LMX1A: variants seen among roughly 807,000 people sequenced by gnomAD.
LMX1A encodes the protein LIM homeobox transcription factor 1 alpha.
In LMX1A, 15 loss-of-function variants were observed where a neutral mutation model predicts 49.1. That is an observed-to-expected ratio of 0.31 (90% CI 0.20 to 0.47). The LOEUF (loss-of-function observed/expected upper bound fraction) is 0.47. Among genes scored for constraint, LMX1A ranks in the 20% least tolerant of loss-of-function variants. The pLI is 1.00. For synonymous variants in LMX1A, 167 were observed against 185.7 expected (o/e 0.90, Z 0.82); for missense variants, 372 against 475.8 (o/e 0.78, Z 2.03).
At chr1:165,342,241 T>A (rs1297715926) in intron 3 of LMX1A, among the ~76,000 whole-genome samples, 1 of 152,220 alleles carries the variant, frequency 6.6e-6, no homozygotes, top group African/African-American at 2.4e-5. Flanking sequence ...CACAGTGGGA[T>A]CTTTTCTAGC....
intron 3 of LMX1A, among the ~76,000 whole-genome samples, chr1:165,286,009 C>A (rs1176288993): frequency 6.6e-6 from 1 of 152,114 alleles, no homozygotes; most frequent in African/African-American, 2.4e-5. Flanking sequence ...GGCTAAAATC[C>A]AAGGGGAGGC....
intron 3 of LMX1A, among the ~76,000 whole-genome samples, chr1:165,262,379 T>G (rs1333207225): frequency 1.3e-5 from 2 of 152,242 alleles, no homozygotes; most frequent in Non-Finnish European, 1.5e-5. Flanking sequence ...GAAAGCTACC[T>G]GTTAAGAATG....
chr1:165,255,810 C>T (rs925334946), intron 3 of LMX1A, among the ~76,000 whole-genome samples: 1 of 151,994 alleles, frequency 6.6e-6, no homozygotes, highest in African/African-American at 2.4e-5. Flanking sequence ...CCTGTCTCTA[C>T]TAAAAATACA....
intron 3 of LMX1A, among the ~76,000 whole-genome samples, chr1:165,280,666 T>C (rs1464644617): frequency 6.6e-6 from 1 of 152,194 alleles, no homozygotes; most frequent in Non-Finnish European, 1.5e-5. Context: ...GATAAACTAG[T>C]AGGCATGCAT....
intron 3 of LMX1A, among the ~76,000 whole-genome samples, chr1:165,346,926 T>G (rs1656263685): frequency 6.6e-6 from 1 of 152,236 alleles, no homozygotes; most frequent in Non-Finnish European, 1.5e-5. Context: ...TGTGCTTTAC[T>G]AAAATAACAA....
chr1:165,214,180 G>A lies in LMX1A; in HGVS notation c.497-367C>T, dbSNP rs181341950. 1.6e-4 allele frequency among the ~76,000 whole-genome samples: 25 copies of A among 152,296 alleles called. 1 individual carries two copies. In the East Asian group the frequency reaches 4.2e-3, roughly 26 times the overall value. On this transcript the variant is annotated intron_variant, in intron 4 of 8. Transcript: ENST00000342310. ...GGGAGGTGACTGGATCATGGGGGCG[G>A]TTTCCCCCATGCTGATCTTGTGATA...
chr1:165,294,142 C>T (rs114171421), intron 3 of LMX1A, among the ~76,000 whole-genome samples: 327 of 152,304 alleles, frequency 2.1e-3, no homozygotes, highest in African/African-American at 5.6e-3. Context: ...CCAAGTCTGA[C>T]GCTAGCAACT....
chr1:165,203,891 A>T lies in LMX1A; in HGVS notation c.1138T>A (p.Phe380Ile). Residue 380 changes from phenylalanine (F) to isoleucine (I), a missense_variant, in exon 9 of 9, where the codon TTC (phenylalanine) becomes ATC (isoleucine). Transcript: ENST00000342310. ...CTCTAGGGGAAGACTCAAGATGTGA[A>T]GTAAGAATTCTGCATGGAGTACAGA... ...DHLYSMQNSY[F>I]TS 2 of 1,614,056 alleles carry T rather than the reference A, an allele frequency of 1.2e-6. No individual in the cohort carries two copies. The highest frequency in any genetic ancestry group is 1.7e-6 in the Non-Finnish European group (2 of 1,179,928).
intron 3 of LMX1A, among the ~76,000 whole-genome samples, chr1:165,333,448 T>C (rs1506947): frequency 0.89 from 136,035 of 152,212 alleles, 61,038 homozygotes; most frequent in Middle Eastern, 0.95. Context: ...CATGAGCCAC[T>C]GTGCTAGGCC....
At chr1:165,220,380 C>G (rs1455192922) in intron 4 of LMX1A, among the ~76,000 whole-genome samples, 6 of 151,948 alleles carry the variant, frequency 3.9e-5, no homozygotes, top group African/African-American at 1.2e-4. Context: ...TTTAGAAAGC[C>G]CAGTGGGAAG....
intron 3 of LMX1A, among the ~76,000 whole-genome samples, chr1:165,324,127 T>G (rs951910701): frequency 6.6e-6 from 1 of 152,232 alleles, no homozygotes; most frequent in African/African-American, 2.4e-5. Context: ...CAGTCGATTC[T>G]GTGGAATGGA....
chr1:165,276,962 C>A (rs1461512138), intron 3 of LMX1A, among the ~76,000 whole-genome samples: 1 of 152,194 alleles, frequency 6.6e-6, no homozygotes, highest in African/African-American at 2.4e-5. Flanking sequence ...AAGATTTGGG[C>A]TCTGAAGTCC....
At chr1:165,337,872 C>G (rs147362999) in intron 3 of LMX1A, among the ~76,000 whole-genome samples, 43 of 58,346 alleles carry the variant, frequency 7.4e-4, no homozygotes, top group African/African-American at 4.2e-3. Context: ...GTCTGTGCAT[C>G]TGTGTGTGTG....
chr1:165,217,712 T>C (rs1413007236), intron 4 of LMX1A, among the ~76,000 whole-genome samples: 1 of 152,206 alleles, frequency 6.6e-6, no homozygotes, highest in Non-Finnish European at 1.5e-5. Flanking sequence ...CCGCATTTGG[T>C]TGAAAAAAAT....
chr1:165,293,321 A>G (rs1292158909), intron 3 of LMX1A, among the ~76,000 whole-genome samples: 1 of 152,224 alleles, frequency 6.6e-6, no homozygotes, highest in African/African-American at 2.4e-5. Context: ...GTAAATGTTT[A>G]AAATAGCACT....
chr1:165,278,140 G>T (rs1654025079), intron 3 of LMX1A, among the ~76,000 whole-genome samples: 1 of 152,146 alleles, frequency 6.6e-6, no homozygotes, highest in Admixed American at 6.5e-5. Flanking sequence ...CTAATAAGTG[G>T]CAGAGCCAGA....
chr1:165,295,643 C>T (rs980793929), intron 3 of LMX1A, among the ~76,000 whole-genome samples: 2 of 152,016 alleles, frequency 1.3e-5, no homozygotes, highest in African/African-American at 4.8e-5. Context: ...ATACATTCCA[C>T]ATACTTGTGT....
chr1:165,253,480 C>T (rs1653127320), intron 3 of LMX1A, among the ~76,000 whole-genome samples: 1 of 152,082 alleles, frequency 6.6e-6, no homozygotes, highest in African/African-American at 2.4e-5. Flanking sequence ...GCATTACTCA[C>T]AGGTTGACAC....
At chr1:165,336,765 C>A (rs570537462) in intron 3 of LMX1A, among the ~76,000 whole-genome samples, 30 of 152,308 alleles carry the variant, frequency 2.0e-4, no homozygotes, top group African/African-American at 7.2e-4. Context: ...CCTTCCTCAA[C>A]GACCTAATGC....
Sources: gnomAD v4.1 joint callset for allele counts (sites outside exome capture counted in the v4.1 genomes callset) on GRCh38, gnomAD v4.1.1 for gene constraint, MANE v1.5 for transcripts, NCBI Gene and HGNC (gene_info 2026-07-23, HGNC 2026-07-21) for gene names.